The following PCGF3 variants were observed in gnomAD, a reference collection of about 807,000 sequenced individuals.
PCGF3 encodes the protein polycomb group ring finger 3, also known as polycomb group RING finger protein 3.
A neutral mutation model predicts 33.1 loss-of-function variants in PCGF3; 7 were observed. The ratio of observed to expected loss-of-function variants is 0.21; its 90% CI spans 0.12 to 0.40. The LOEUF (loss-of-function observed/expected upper bound fraction) is 0.40. Among genes scored for constraint, PCGF3 ranks in the 10% least tolerant of loss-of-function variants. PCGF3 has a pLI of 1.00. For missense variants in PCGF3, 211 were observed against 313.3 expected, an observed-to-expected ratio of 0.67 and a Z score of 2.46; for synonymous variants, 153 against 121.3, an observed-to-expected ratio of 1.26 and a Z score of -1.72.
chr4:767,832 G>A (rs1237590924), exon 11 of PCGF3: 4 of 152,606 alleles, frequency 2.6e-5, no homozygotes, highest in Non-Finnish European at 5.9e-5. Flanking sequence ...TCTATGAGTA[G>A]CTGTGTATGA....
intron 9 of PCGF3, among the ~76,000 whole-genome samples, chr4:763,371 G>A (rs1301994109): frequency 2.6e-5 from 4 of 152,138 alleles, no homozygotes; most frequent in Non-Finnish European, 4.4e-5. Context: ...TTCCTCCAGG[G>A]AAGAGTGTGA....
chr4:734,328 T>G, intron 4 of PCGF3: 1 of 1,443,310 alleles, frequency 6.9e-7, no homozygotes, highest in Admixed American at 2.9e-5. Flanking sequence ...CTGGCGGCCC[T>G]GCTGGTGTGG....
chr4:723,107 G>A (rs899725699), intron 1 of PCGF3, among the ~76,000 whole-genome samples: 2 of 143,792 alleles, frequency 1.4e-5, no homozygotes, highest in Admixed American at 6.9e-5. Context: ...GTCCACACTC[G>A]CGTCATCGCC....
intron 8 of PCGF3, among the ~76,000 whole-genome samples, chr4:758,544 G>GCTC (rs1744889190): frequency 7.5e-5 from 8 of 107,348 alleles, no homozygotes; most frequent in East Asian, 2.8e-4. Flanking sequence ...CCTCTCCCGA[G>GCTC]TTCTCCCTCC....
chr4:761,498 TG>T, intron 9 of PCGF3, 82 bp downstream of exon 9: 1 of 1,453,176 alleles, frequency 6.9e-7, no homozygotes, highest in Non-Finnish European at 9.2e-7. Flanking sequence ...TGCTTAGTTT[TG>T]TTTTGTTTTT....
intron 8 of PCGF3, among the ~76,000 whole-genome samples, chr4:753,872 G>T (rs1001413895): frequency 1.3e-5 from 2 of 152,172 alleles, no homozygotes; most frequent in African/African-American, 4.8e-5. Flanking sequence ...GCTTGAACTT[G>T]CAGTGAGCTG....
At chr4:731,020 G>C (rs1037272538) in exon 3 of PCGF3, 27 of 398,476 alleles carry the variant, frequency 6.8e-5, no homozygotes, top group Non-Finnish European at 8.9e-5. Context: ...GCGAGTCCGC[G>C]TGCGGAGCCA....
Position 740,045 on chromosome 4 carries a change from A to G in PCGF3, c.262+2524A>G, listed in dbSNP as rs191178697. Among the ~76,000 whole-genome samples the G allele has an allele frequency of 1.1e-4, 17 of 152,346 alleles. No individual in the cohort carries two copies. The East Asian group carries it at 2.5e-3, about 23-fold the overall frequency. On this transcript the variant is annotated intron_variant, in intron 6 of 10. Coordinates refer to ENST00000362003, the Ensembl canonical transcript of PCGF3. ...CTTTAAAACTATTAGCAGTGCACCT[A>G]TTTTCTTGATGGAGGCTACTTGCAA...
intron 1 of PCGF3, among the ~76,000 whole-genome samples, chr4:714,803 G>T (rs1438085027): frequency 6.6e-6 from 1 of 152,224 alleles, no homozygotes; most frequent in African/African-American, 2.4e-5. Context: ...CGCAAACCTG[G>T]GCACTCCCGA....
At position 742,191 on chromosome 4, in the gene PCGF3, T is replaced by C. The variant is rs539620525; in HGVS notation, c.263-1283T>C. ...CAGGCTCTCGGGGTCCCCTCCTCTCTCTGCCCAGGCTCTCAGGGTCCCCTC... is the reference window on the plus strand; with the variant it reads ...CAGGCTCTCGGGGTCCCCTCCTCTCCCTGCCCAGGCTCTCAGGGTCCCCTC... On this transcript the variant is annotated intron_variant, in intron 6 of 10. Coordinates refer to ENST00000362003, the Ensembl canonical transcript of PCGF3. Among the ~76,000 whole-genome samples, 13 of 141,290 alleles carry C rather than the reference T, an allele frequency of 9.2e-5. No homozygotes were observed. The East Asian group carries it at 2.7e-3, about 30-fold the overall frequency. The allele number at this position is 141,290 out of a possible 152,430, so 92.7% of individuals were successfully genotyped here.
intron 1 of PCGF3, chr4:723,985 C>T (rs1743224193): frequency 6.6e-6 from 1 of 152,410 alleles, no homozygotes; most frequent in Admixed American, 6.5e-5. Context: ...CTCCCTTCCC[C>T]AGCAGCTGTG....
At chr4:733,856 T>C in intron 4 of PCGF3, 67 bp downstream of exon 4, 2 of 1,612,288 alleles carry the variant, frequency 1.2e-6, no homozygotes, top group Non-Finnish European at 1.7e-6. Flanking sequence ...TTCAGAACCT[T>C]GGCTTTTGTG....
chr4:709,846 C>A (rs750813149), intron 1 of PCGF3, among the ~76,000 whole-genome samples: 11 of 152,220 alleles, frequency 7.2e-5, no homozygotes, highest in African/African-American at 4.8e-5. Context: ...CAGCCTGGAC[C>A]TAGAAGCTCT....
chr4:759,915 G>A (rs922141534), intron 8 of PCGF3, among the ~76,000 whole-genome samples: 7 of 145,326 alleles, frequency 4.8e-5, no homozygotes, highest in African/African-American at 1.8e-4. Context: ...CCCCTCTCCC[G>A]AGTTCTTCTC....
chr4:720,595 C>T lies in PCGF3; in HGVS notation c.-189-10035C>T, dbSNP rs1193016946. The stretch of plus-strand genomic sequence containing the variant: ...AGGACCCCACGTGGACGGGCAGTGA[C>T]GTGCGTGTGGACCCGGGGTGGACGG... On this transcript the variant is annotated intron_variant, in intron 1 of 10. Transcript: ENST00000362003. This position sits in a 1 kb window ranked among gnomAD's most constrained non-coding sequence, Gnocchi z 5.6. Among the ~76,000 whole-genome samples the T allele has an allele frequency of 6.7e-6, 1 of 148,616 alleles. No individual in the cohort carries two copies. The highest frequency in any genetic ancestry group is 2.5e-5 in the African/African-American group (1 of 39,854).
intron 3 of PCGF3, among the ~76,000 whole-genome samples, chr4:733,113 T>A (rs1352041492): frequency 3.3e-5 from 5 of 150,998 alleles, no homozygotes; most frequent in African/African-American, 1.2e-4. Context: ...CCGTGCTGCC[T>A]CAGGCTCTGG....
chr4:766,191 GAATA>G (rs1745363264), exon 11 of PCGF3: 2 of 793,108 alleles, frequency 2.5e-6, no homozygotes, highest in Non-Finnish European at 4.2e-6. Context: ...TCTGAATAGA[GAATA>G]TTTATAACTT....
chr4:734,037 C>A, intron 4 of PCGF3: 1 of 1,550,712 alleles, frequency 6.4e-7, no homozygotes, highest in Non-Finnish European at 8.7e-7. Context: ...ACCCCACATT[C>A]CTCCCACGGA....
intron 1 of PCGF3, among the ~76,000 whole-genome samples, chr4:707,845 C>T (rs1266972469): frequency 2.7e-5 from 3 of 111,496 alleles, no homozygotes; most frequent in Non-Finnish European, 6.0e-5. Context: ...CCCTGGGGGT[C>T]GGGACCCTGG....
Sources: allele counts gnomAD v4.1 joint callset (sites outside exome capture counted in the v4.1 genomes callset), GRCh38; gene constraint gnomAD v4.1.1; non-coding constraint Gnocchi (gnomAD v3.1); transcripts MANE v1.5; gene names NCBI Gene and HGNC (gene_info 2026-07-23, HGNC 2026-07-21).